Variants in JADE3 observed in about 807,000 individuals in gnomAD.
The protein encoded by JADE3 is protein Jade-3.
A neutral mutation model predicts 50.1 loss-of-function variants in JADE3; 2 were observed. The ratio of observed to expected loss-of-function variants is 0.04; its 90% CI spans 0.02 to 0.13. The LOEUF (loss-of-function observed/expected upper bound fraction) is 0.13, where lower values mean the gene tolerates loss of function less well. JADE3 is among the 10% of genes least tolerant of loss of function. JADE3 has a pLI of 1.00. For synonymous variants in JADE3, 218 were observed against 232.9 expected, an observed-to-expected ratio of 0.94 and a Z score of 0.58; for missense variants, 475 against 634.4, an observed-to-expected ratio of 0.75 and a Z score of 2.70.
chrX:46,948,422 T>C (rs892108725), intron 1 of JADE3, among the ~76,000 whole-genome samples: 2 of 112,001 alleles, frequency 1.8e-5, no homozygotes, highest in Admixed American at 9.5e-5. Flanking sequence ...ATTCTGCCTG[T>C]GTAAAGGATG....
At chrX:47,014,774 CTT>C (rs1928637030) in intron 4 of JADE3, among the ~76,000 whole-genome samples, 2 of 111,819 alleles carry the variant, frequency 1.8e-5, no homozygotes, top group East Asian at 5.5e-4. Flanking sequence ...AATTTTATAA[CTT>C]TTGTGTTAGT....
intron 1 of JADE3, among the ~76,000 whole-genome samples, chrX:46,930,798 C>A (rs1033939146): frequency 1.8e-5 from 2 of 111,476 alleles, no homozygotes; most frequent in African/African-American, 6.5e-5. Context: ...CACCTCAGCT[C>A]CATGTTGCGT....
chrX:46,941,303 T>C (rs1253843721), intron 1 of JADE3, among the ~76,000 whole-genome samples: 2 of 112,097 alleles, frequency 1.8e-5, no homozygotes, highest in Non-Finnish European at 3.8e-5. Context: ...ATATTTTCTT[T>C]ATCCAGTCCT....
At chrX:46,952,768 C>T (rs1265787636) in intron 1 of JADE3, among the ~76,000 whole-genome samples, 6 of 111,668 alleles carry the variant, frequency 5.4e-5, no homozygotes, top group South Asian at 3.7e-4. Context: ...GAGGCCGAGG[C>T]GTATGGATCA....
intron 1 of JADE3, among the ~76,000 whole-genome samples, chrX:46,929,673 C>T (rs1926450882): frequency 8.9e-6 from 1 of 112,113 alleles, no homozygotes; most frequent in Non-Finnish European, 1.9e-5. Context: ...CCTCTAGAAC[C>T]TGACATTCAA....
In JADE3 at chrX:47,060,946, A is replaced by G. The variant is rs1250066177; in HGVS notation, c.*1869A>G. The G allele has an allele frequency of 5.3e-5, 6 of 112,352 alleles. No individual in the cohort carries two copies. In the East Asian group the frequency reaches 1.7e-3, roughly 31 times the overall value. 9.3% of individuals were successfully genotyped at this position (112,352 alleles called of 1,213,427 possible). A position where few individuals can be genotyped will look rare whatever the true frequency, so the allele number is the denominator to read the frequency against. ...CAAACATCAAAACAGTGCTTCAGCC[A>G]AATTCCATATGTAATGCCATTGGGA... On this transcript the variant is annotated 3_prime_UTR_variant, in exon 11 of 11. Coordinates refer to ENST00000614628, the MANE Select transcript of JADE3 (RefSeq NM_014735.5).
At chrX:46,913,844 G>A (rs1175728037) in intron 1 of JADE3, among the ~76,000 whole-genome samples, 5 of 110,776 alleles carry the variant, frequency 4.5e-5, no homozygotes, top group Admixed American at 9.6e-5. Flanking sequence ...CCGCTTCTCC[G>A]ACTTTGAGTT....
At chrX:46,964,661 T>C (rs1556348525) in intron 1 of JADE3, among the ~76,000 whole-genome samples, 1 of 112,288 alleles carries the variant, frequency 8.9e-6, no homozygotes, top group Admixed American at 9.4e-5. Context: ...TGGTGGTGGT[T>C]TTATGCCACT....
chrX:47,029,040 G>A (rs2146977568), intron 6 of JADE3, among the ~76,000 whole-genome samples: 1 of 111,874 alleles, frequency 8.9e-6, no homozygotes. Context: ...ACAGTACTCC[G>A]TGGGCCAGGA....
intron 1 of JADE3, among the ~76,000 whole-genome samples, chrX:46,965,829 CTT>C (rs1311188614): frequency 9.0e-6 from 1 of 111,102 alleles, no homozygotes; most frequent in East Asian, 2.8e-4. Context: ...CTGTGTTGGC[CTT>C]GATGAGGACC....
intron 1 of JADE3, among the ~76,000 whole-genome samples, chrX:46,928,820 G>A (rs1380251440): frequency 1.8e-5 from 2 of 111,011 alleles, no homozygotes; most frequent in Non-Finnish European, 3.8e-5. Context: ...ACTATATTGT[G>A]CAGGCTGGTC....
In JADE3 at chrX:46,986,930, A is replaced by G. The variant is rs1032799642; in HGVS notation, c.126+1138A>G. Among the ~76,000 whole-genome samples, 107 of 112,664 alleles carry G rather than the reference A, an allele frequency of 9.5e-4. 1 individual carries two copies. Among genetic ancestry groups the G allele is most frequent in the Non-Finnish European group, 1.7e-3 (89 of 53,344 alleles). On this transcript the variant is annotated intron_variant, in intron 3 of 10. Transcript: ENST00000614628. ...TATATTAGTTATGTATTGCTACATT[A>G]CAAATTATCACAAAATTCGTGTCTT...
intron 1 of JADE3, among the ~76,000 whole-genome samples, chrX:46,941,336 G>C (rs1237407992): frequency 1.8e-5 from 2 of 111,560 alleles, no homozygotes; most frequent in Admixed American, 9.6e-5. Context: ...CCGTGTCTTT[G>C]CTATTGTGAA....
intron 1 of JADE3, among the ~76,000 whole-genome samples, chrX:46,917,410 ATCTC>A (rs781908125): frequency 9.0e-6 from 1 of 111,283 alleles, no homozygotes; most frequent in East Asian, 2.8e-4. Flanking sequence ...CTAACAGAGG[ATCTC>A]TCTCTCTGAG....
rs782732065 is a variant in JADE3, at chrX:46,941,904, A to AT, written c.-12+29203dup. ...AGGCAGGTGCCACCATGCCTGGCTA[A>AT]TTTTTTTTTTTTTTTTTTGTAGAGG... On this transcript the variant is annotated intron_variant, in intron 1 of 10. Coordinates refer to ENST00000614628, the MANE Select transcript of JADE3 (RefSeq NM_014735.5). Among the ~76,000 whole-genome samples the AT allele has an allele frequency of 8.2e-3, 759 of 92,290 alleles. 20 individuals carry two copies. Among genetic ancestry groups the AT allele is most frequent in the East Asian group, 0.079 (229 of 2,916 alleles). The allele number at this position is 92,290 out of a possible 115,157, so 80.1% of individuals were successfully genotyped here.
At chrX:47,002,530 A>G (rs1392988449) in intron 4 of JADE3, among the ~76,000 whole-genome samples, 1 of 111,012 alleles carries the variant, frequency 9.0e-6, no homozygotes, top group Non-Finnish European at 1.9e-5. Flanking sequence ...TAAGTGTTAA[A>G]ATTTTTTGAG....
chrX:46,967,640 C>T (rs1398528435), intron 1 of JADE3, among the ~76,000 whole-genome samples: 1 of 111,264 alleles, frequency 9.0e-6, no homozygotes, highest in Non-Finnish European at 1.9e-5. Context: ...GTACTGTTTC[C>T]AAATCTGGCT....
At chrX:46,961,246 T>G (rs1343924995) in intron 1 of JADE3, among the ~76,000 whole-genome samples, 2 of 111,806 alleles carry the variant, frequency 1.8e-5, no homozygotes, top group Admixed American at 9.5e-5. Flanking sequence ...AGTGAACATG[T>G]GAGACTTAGT....
chrX:47,008,392 G>A (rs1253744433), intron 4 of JADE3, among the ~76,000 whole-genome samples: 1 of 111,922 alleles, frequency 8.9e-6, no homozygotes, highest in Non-Finnish European at 1.9e-5. Context: ...TTGCCAAGGG[G>A]TAGAAAAGGT....
Sources: gnomAD v4.1 joint callset for allele counts (sites outside exome capture counted in the v4.1 genomes callset) on GRCh38, gnomAD v4.1.1 for gene constraint, MANE v1.5 for transcripts, NCBI Gene and HGNC (gene_info 2026-07-23, HGNC 2026-07-21) for gene names.